The following HLCS variants were observed in gnomAD, a reference collection of about 807,000 sequenced individuals.
HLCS encodes the protein holocarboxylase synthetase.
Under a neutral mutation model 75.0 loss-of-function variants are expected in HLCS, and 53 were observed. That is an observed-to-expected ratio of 0.71 (90% CI 0.57 to 0.89). The LOEUF is 0.89. HLCS is among the 40% of genes least tolerant of loss of function. The probability of loss-of-function intolerance (pLI) is 0.00; values close to 1 mark genes in which losing one functional copy is unlikely to be tolerated. For missense variants in HLCS, 966 were observed against 1,074.0 expected (o/e 0.90, Z 1.41); for synonymous variants, 431 against 428.6 (o/e 1.01, Z -0.07).
chr21:36,815,227 C>A (rs1252828844), intron 6 of HLCS, among the ~76,000 whole-genome samples: 2 of 152,074 alleles, frequency 1.3e-5, no homozygotes, highest in Non-Finnish European at 2.9e-5. Flanking sequence ...CGGGGTTTCA[C>A]CATGTTGGTC....
At chr21:36,797,149 G>C (rs1403286839) in intron 6 of HLCS, among the ~76,000 whole-genome samples, 1 of 152,104 alleles carries the variant, frequency 6.6e-6, no homozygotes, top group East Asian at 1.9e-4. Flanking sequence ...TTACAGGGGT[G>C]AGCCACAGCT....
rs76785742 is a variant in HLCS, at chr21:36,937,405, T to C, written c.494-13A>G. 2,119 of 1,604,402 alleles carry C rather than the reference T, an allele frequency of 1.3e-3. 25 individuals are homozygous for C. The African/African-American group carries it at 0.023, about 18-fold the overall frequency. On this transcript the variant is annotated splice_polypyrimidine_tract_variant and intron_variant, in intron 3 of 10. Coordinates refer to ENST00000674895, the MANE Select transcript of HLCS (RefSeq NM_001352514.2). ...TGCAAGTGCACCGCTAAGGCATGAA[T>C]AGGAGAGAGAGACAGAAAATTAATC...
intron 6 of HLCS, among the ~76,000 whole-genome samples, chr21:36,861,286 G>A (rs974091632): frequency 6.6e-6 from 1 of 152,126 alleles, no homozygotes; most frequent in Non-Finnish European, 1.5e-5. Context: ...CTTTGCCCAG[G>A]TAACGTCCCT....
intron 5 of HLCS, among the ~76,000 whole-genome samples, chr21:36,920,591 A>G (rs2066121231): frequency 6.6e-6 from 1 of 152,154 alleles, no homozygotes; most frequent in Admixed American, 6.5e-5. Flanking sequence ...TGTGATTATT[A>G]TGCACAGCAC....
intron 6 of HLCS, among the ~76,000 whole-genome samples, chr21:36,886,213 C>T (rs1019893242): frequency 6.6e-6 from 1 of 151,624 alleles, no homozygotes; most frequent in Admixed American, 6.6e-5. Context: ...GGGCGGATCA[C>T]GAGGTCAGGA....
At chr21:36,927,245 T>TGGTATCGTGCACAGTGA (rs2066448558) in intron 5 of HLCS, among the ~76,000 whole-genome samples, 1 of 152,238 alleles carries the variant, frequency 6.6e-6, no homozygotes, top group Non-Finnish European at 1.5e-5. Flanking sequence ...TGCTTCCTCT[T>TGGTATCGTGCACAGTGA]GGTATCGTGC....
At chr21:36,838,626 C>T (rs1199026468) in intron 6 of HLCS, among the ~76,000 whole-genome samples, 3 of 151,682 alleles carry the variant, frequency 2.0e-5, no homozygotes, top group African/African-American at 7.3e-5. Flanking sequence ...ATGACGTGAA[C>T]CCGGGAGGCA....
intron 6 of HLCS, among the ~76,000 whole-genome samples, chr21:36,827,277 G>A (rs1333540590): frequency 6.6e-6 from 1 of 152,122 alleles, no homozygotes; most frequent in Non-Finnish European, 1.5e-5. Context: ...CAAAAATACT[G>A]CTGAGCTGAG....
rs558117640 is a variant in HLCS, at chr21:36,911,588, C to CA, written c.1621-14458dup. Among the ~76,000 whole-genome samples, 593 of 143,714 alleles carry CA rather than the reference C, an allele frequency of 4.1e-3. 5 individuals are homozygous for CA. Among genetic ancestry groups the CA allele is most frequent in the African/African-American group, 0.014 (537 of 39,296 alleles). 94.3% of individuals were successfully genotyped at this position (143,714 alleles called of 152,430 possible). Reference sequence around the variant, plus strand: ...TGAAACCCCGTATCTACTAAAAATACAAAAAAAAAAATTAACCGGGTGTTG... The same window carrying CA: ...TGAAACCCCGTATCTACTAAAAATACAAAAAAAAAAAATTAACCGGGTGTTG... On this transcript the variant is annotated intron_variant, in intron 5 of 10. Coordinates refer to ENST00000674895, the MANE Select transcript of HLCS (RefSeq NM_001352514.2).
At chr21:36,815,736 T>G (rs575394818) in intron 6 of HLCS, among the ~76,000 whole-genome samples, 111 of 152,276 alleles carry the variant, frequency 7.3e-4, no homozygotes, top group African/African-American at 2.6e-3. Context: ...CTCGCTTCAC[T>G]TTCCAAAAGT....
In HLCS at chr21:36,936,429, A is replaced by T. The variant is rs980897137; in HGVS notation, c.1437+20T>A. On this transcript the variant is annotated intron_variant, in intron 4 of 10. Coordinates refer to ENST00000674895, the MANE Select transcript of HLCS (RefSeq NM_001352514.2). ...CCCACAGATACCCAAAGATCACCAAATCCATGCTGCCCTGAGTACCTGGCA... is the reference window on the plus strand; with the variant it reads ...CCCACAGATACCCAAAGATCACCAATTCCATGCTGCCCTGAGTACCTGGCA... 2 of 1,601,022 alleles carry T rather than the reference A, an allele frequency of 1.2e-6. No homozygotes were observed. Among genetic ancestry groups the T allele is most frequent in the African/African-American group, 2.7e-5 (2 of 74,784 alleles).
At chr21:36,953,054 C>G (rs2067746600) in intron 2 of HLCS, among the ~76,000 whole-genome samples, 1 of 152,154 alleles carries the variant, frequency 6.6e-6, no homozygotes, top group Non-Finnish European at 1.5e-5. Context: ...AAGTTCTGTA[C>G]AATGAAATGG....
At chr21:36,836,688 CA>C (rs1216915015) in intron 6 of HLCS, among the ~76,000 whole-genome samples, 1 of 151,730 alleles carries the variant, frequency 6.6e-6, no homozygotes, top group Admixed American at 6.6e-5. Context: ...ACAACCCCAT[CA>C]AAAAGTGGGC....
chr21:36,878,335 A>T (rs549179473), intron 6 of HLCS, among the ~76,000 whole-genome samples: 38 of 152,176 alleles, frequency 2.5e-4, no homozygotes, highest in African/African-American at 7.2e-4. Flanking sequence ...ATAAAATTAC[A>T]TTCTCTGTGG....
At position 36,926,288 on chromosome 21, in the gene HLCS, C is replaced by T. The variant is rs549674996; in HGVS notation, c.1620+3963G>A. The stretch of plus-strand genomic sequence containing the variant: ...AAAGGGACAGCTTCAGCTCGGAGGC[C>T]CCCACACACCAACTCAGAGCTCACA... On this transcript the variant is annotated intron_variant, in intron 5 of 10. Transcript: ENST00000674895. Among the ~76,000 whole-genome samples, 5 of 152,328 alleles carry T rather than the reference C, an allele frequency of 3.3e-5. No individual in the cohort carries two copies. In the South Asian group the frequency reaches 1.0e-3, roughly 32 times the overall value.
chr21:36,975,814 G>C (rs890913104), intron 1 of HLCS, among the ~76,000 whole-genome samples: 8 of 151,924 alleles, frequency 5.3e-5, no homozygotes, highest in Admixed American at 1.3e-4. Context: ...CCACCTAACC[G>C]GGTCTCCCTC....
At chr21:36,782,438 G>C (rs2060562385) in intron 6 of HLCS, among the ~76,000 whole-genome samples, 1 of 152,120 alleles carries the variant, frequency 6.6e-6, no homozygotes, top group African/African-American at 2.4e-5. Context: ...CTACATTTAA[G>C]AATCTACATA....
chr21:36,834,651 G>A (rs143431259), intron 6 of HLCS, among the ~76,000 whole-genome samples: 33 of 152,328 alleles, frequency 2.2e-4, no homozygotes, highest in African/African-American at 6.5e-4. Context: ...TGCCTCCTGG[G>A]TTCAAGCGAG....
intron 6 of HLCS, among the ~76,000 whole-genome samples, chr21:36,866,336 ACAT>A (rs1197853197): frequency 2.0e-5 from 3 of 152,232 alleles, no homozygotes; most frequent in African/African-American, 7.2e-5. Context: ...TAGGTAGGAA[ACAT>A]CAACAAATGT....
Sources: allele counts gnomAD v4.1 joint callset (sites outside exome capture counted in the v4.1 genomes callset), GRCh38; gene constraint gnomAD v4.1.1; transcripts MANE v1.5; gene names NCBI Gene and HGNC (gene_info 2026-07-23, HGNC 2026-07-21).